The following EXOC6B variants were observed in gnomAD, a reference collection of about 807,000 sequenced individuals.
The protein encoded by EXOC6B is exocyst complex component 6B.
Under a neutral mutation model 113.5 loss-of-function variants are expected in EXOC6B, and 54 were observed. That is an observed-to-expected ratio of 0.48 (90% CI 0.38 to 0.60). EXOC6B has a LOEUF of 0.60. Among genes scored for constraint, EXOC6B ranks in the 20% least tolerant of loss-of-function variants. EXOC6B has a pLI of 0.00. For missense variants in EXOC6B, 797 were observed against 977.5 expected, an observed-to-expected ratio of 0.82 and a Z score of 2.46; for synonymous variants, 357 against 339.0, an observed-to-expected ratio of 1.05 and a Z score of -0.58.
chr2:72,480,198 G>A (rs2105484690), intron 17 of EXOC6B, among the ~76,000 whole-genome samples: 1 of 137,904 alleles, frequency 7.3e-6, no homozygotes, highest in East Asian at 2.0e-4. Flanking sequence ...AGCAAGATTT[G>A]ATTTAAAAAA....
At chr2:72,285,006 C>T (rs1327731713) in intron 20 of EXOC6B, among the ~76,000 whole-genome samples, 5 of 152,016 alleles carry the variant, frequency 3.3e-5, no homozygotes, top group Non-Finnish European at 7.4e-5. Flanking sequence ...ATTTCATATT[C>T]ATGGATAGGA....
intron 6 of EXOC6B, among the ~76,000 whole-genome samples, chr2:72,659,616 T>C (rs1401098864): frequency 3.3e-5 from 5 of 152,128 alleles, no homozygotes; most frequent in African/African-American, 4.8e-5. Flanking sequence ...AATTTCACTA[T>C]TGCAGTGACC....
intron 15 of EXOC6B, among the ~76,000 whole-genome samples, chr2:72,495,184 A>G (rs1011399005): frequency 6.6e-6 from 1 of 152,110 alleles, no homozygotes; most frequent in East Asian, 1.9e-4. Flanking sequence ...ACTGTCATTA[A>G]TAAGTGTTGA....
chr2:72,350,738 G>A (rs1227692120), intron 19 of EXOC6B, among the ~76,000 whole-genome samples: 1 of 152,188 alleles, frequency 6.6e-6, no homozygotes, highest in African/African-American at 2.4e-5. Context: ...CTTAGGTACT[G>A]CTGAGAGAAA....
intron 17 of EXOC6B, among the ~76,000 whole-genome samples, chr2:72,477,572 C>A: frequency 6.6e-6 from 1 of 152,212 alleles, no homozygotes; most frequent in Non-Finnish European, 1.5e-5. Context: ...AAACCAGTAT[C>A]ACATTAAATG....
At chr2:72,404,624 C>G (rs921852864) in intron 18 of EXOC6B, among the ~76,000 whole-genome samples, 3 of 152,202 alleles carry the variant, frequency 2.0e-5, no homozygotes, top group Non-Finnish European at 2.9e-5. Flanking sequence ...CCAGCAAACT[C>G]CAACAGACCT....
chr2:72,693,844 C>CTT (rs557788710), intron 6 of EXOC6B, among the ~76,000 whole-genome samples: 3 of 146,114 alleles, frequency 2.1e-5, no homozygotes, highest in African/African-American at 7.5e-5. Flanking sequence ...TTCCTTTTTT[C>CTT]TTTTTTTTTT....
intron 16 of EXOC6B, among the ~76,000 whole-genome samples, chr2:72,486,423 A>C (rs1436760376): frequency 1.3e-5 from 2 of 152,116 alleles, no homozygotes; most frequent in Non-Finnish European, 2.9e-5. Flanking sequence ...TTTCACTTTA[A>C]TTCATGTACA....
chr2:72,638,780 G>A (rs1245437949), intron 6 of EXOC6B, among the ~76,000 whole-genome samples: 1 of 152,168 alleles, frequency 6.6e-6, no homozygotes, highest in Non-Finnish European at 1.5e-5. Flanking sequence ...TGTCTGTAGT[G>A]GAGCATGGCC....
chr2:72,569,909 C>A (rs572549670), intron 7 of EXOC6B, among the ~76,000 whole-genome samples: 2 of 151,994 alleles, frequency 1.3e-5, no homozygotes, highest in Non-Finnish European at 2.9e-5. Flanking sequence ...TAATTTGTCC[C>A]AATACCACAA....
At chr2:72,279,705 C>G (rs1685014654) in intron 20 of EXOC6B, among the ~76,000 whole-genome samples, 2 of 152,142 alleles carry the variant, frequency 1.3e-5, no homozygotes, top group Admixed American at 1.3e-4. Context: ...CCTCTGCCTC[C>G]CAGGCTCAAG....
At chr2:72,204,252 G>A (rs779707593) in intron 20 of EXOC6B, among the ~76,000 whole-genome samples, 7 of 152,126 alleles carry the variant, frequency 4.6e-5, no homozygotes, top group Non-Finnish European at 7.4e-5. Flanking sequence ...GGAGGCCACC[G>A]TTGTGGCAAG....
intron 18 of EXOC6B, among the ~76,000 whole-genome samples, chr2:72,400,709 T>A (rs1274986352): frequency 6.7e-6 from 1 of 148,546 alleles, no homozygotes; most frequent in Non-Finnish European, 1.5e-5. Context: ...TCACTAATTA[T>A]CAGAGAAAAA....
intron 1 of EXOC6B, among the ~76,000 whole-genome samples, chr2:72,807,427 TGTA>T (rs1252447403): frequency 1.3e-5 from 2 of 152,216 alleles, no homozygotes; most frequent in African/African-American, 4.8e-5. Flanking sequence ...ACTGAATCCC[TGTA>T]GTATAGTTTG....
At chr2:72,708,229 G>T (rs1167870522) in intron 6 of EXOC6B, among the ~76,000 whole-genome samples, 2 of 152,104 alleles carry the variant, frequency 1.3e-5, no homozygotes, top group Admixed American at 1.3e-4. Context: ...CAATAGATAG[G>T]GAAAGGACAT....
chr2:72,565,643 T>C (rs1245546721), intron 7 of EXOC6B, among the ~76,000 whole-genome samples: 2 of 152,012 alleles, frequency 1.3e-5, no homozygotes, highest in Non-Finnish European at 2.9e-5. Flanking sequence ...GCAAAAGACA[T>C]AAGCAGTTTA....
At chr2:72,205,673 C>T (rs996956338) in intron 20 of EXOC6B, among the ~76,000 whole-genome samples, 3 of 152,078 alleles carry the variant, frequency 2.0e-5, no homozygotes, top group African/African-American at 7.2e-5. Flanking sequence ...AAGGCCTTGC[C>T]CATAAAAGCA....
At chr2:72,657,664 G>C (rs867185006) in intron 6 of EXOC6B, among the ~76,000 whole-genome samples, 3 of 132,494 alleles carry the variant, frequency 2.3e-5, no homozygotes, top group African/African-American at 8.7e-5. Flanking sequence ...AGCCGTCTTG[G>C]AACTGGAGGT....
chr2:72,708,028 C>A (rs1679000878), intron 6 of EXOC6B, among the ~76,000 whole-genome samples: 1 of 151,868 alleles, frequency 6.6e-6, no homozygotes, highest in Non-Finnish European at 1.5e-5. Context: ...GATCAATACA[C>A]TTGACTCTAC....
Sources: gnomAD v4.1 joint callset for allele counts (sites outside exome capture counted in the v4.1 genomes callset) on GRCh38, gnomAD v4.1.1 for gene constraint, MANE v1.5 for transcripts, NCBI Gene and HGNC (gene_info 2026-07-23, HGNC 2026-07-21) for gene names.